The following MLLT3 variants were observed in gnomAD, a reference collection of about 807,000 sequenced individuals.
MLLT3 encodes protein AF-9.
A neutral mutation model predicts 53.2 loss-of-function variants in MLLT3; 4 were observed. That is an observed-to-expected ratio of 0.08 (90% CI 0.04 to 0.17). The LOEUF is 0.17. Ranked by LOEUF, MLLT3 falls within the 10% of genes least tolerant of loss-of-function variation. The probability of loss-of-function intolerance (pLI) is 1.00; values close to 1 mark genes in which losing one functional copy is unlikely to be tolerated. For missense variants in MLLT3, 569 were observed against 684.0 expected (o/e 0.83, Z 1.87); for synonymous variants, 283 against 230.6 (o/e 1.23, Z -2.06).
At chr9:20,579,837 T>C (rs1563827844) in intron 2 of MLLT3, among the ~76,000 whole-genome samples, 1 of 152,152 alleles carries the variant, frequency 6.6e-6, no homozygotes, top group Non-Finnish European at 1.5e-5. Flanking sequence ...GAGCTCAGTA[T>C]GGGATGCCTA....
At chr9:20,606,689 T>C (rs902349195) in intron 2 of MLLT3, among the ~76,000 whole-genome samples, 1 of 152,090 alleles carries the variant, frequency 6.6e-6, no homozygotes, top group Non-Finnish European at 1.5e-5. Flanking sequence ...GAGAAAACTT[T>C]AAGTCTATTT....
intron 5 of MLLT3, among the ~76,000 whole-genome samples, chr9:20,400,414 T>C (rs765593773): frequency 3.3e-5 from 5 of 152,148 alleles, no homozygotes; most frequent in African/African-American, 7.2e-5. Context: ...ATATTTTGAT[T>C]CCATTGGAAA....
intron 1 of MLLT3, 29 bp downstream of exon 1, chr9:20,622,215 GC>G: frequency 1.9e-6 from 3 of 1,594,352 alleles, no homozygotes; most frequent in East Asian, 2.3e-5. Flanking sequence ...GTGGGGGAGG[GC>G]TTTTATTATT....
At chr9:20,513,011 G>A (rs1257156884) in intron 2 of MLLT3, among the ~76,000 whole-genome samples, 1 of 152,244 alleles carries the variant, frequency 6.6e-6, no homozygotes, top group African/African-American at 2.4e-5. Context: ...CTGTAAGTGA[G>A]GCTCTGTTAT....
At chr9:20,622,177 C>T in intron 1 of MLLT3, 68 bp downstream of exon 1, 2 of 1,499,646 alleles carry the variant, frequency 1.3e-6, no homozygotes, top group South Asian at 1.1e-5. Flanking sequence ...GCTGTCTGGG[C>T]TGCGGCGGCG....
At chr9:20,510,102 A>G (rs1254672808) in intron 2 of MLLT3, among the ~76,000 whole-genome samples, 1 of 152,186 alleles carries the variant, frequency 6.6e-6, no homozygotes, top group Non-Finnish European at 1.5e-5. Flanking sequence ...GCTTGGCGAA[A>G]GAGCAAGGCA....
Position 20,604,415 on chromosome 9 carries a change from CTAACTT to C in MLLT3, c.193+16233_193+16238del, listed in dbSNP as rs373760357. ...AGTCTTCAGATACAAAAAACAAAGT[CTAACTT>C]TAAACAGTCTAAGCTGAAGTTTTTA... is the stretch of plus-strand genomic sequence containing the variant. On this transcript the variant is annotated intron_variant, in intron 2 of 10. Transcript: ENST00000380338. 4.4e-3 allele frequency among the ~76,000 whole-genome samples: 601 copies of C among 135,818 alleles called. 6 individuals carry two copies. The highest frequency in any genetic ancestry group is 0.015 in the African/African-American group (579 of 39,514). 89.1% of individuals were successfully genotyped at this position (135,818 alleles called of 152,430 possible).
intron 2 of MLLT3, among the ~76,000 whole-genome samples, chr9:20,585,482 T>C (rs1819931038): frequency 6.6e-6 from 1 of 152,192 alleles, no homozygotes; most frequent in South Asian, 2.1e-4. Context: ...TGTTTAGTTT[T>C]GTAAAGAACC....
At chr9:20,537,971 C>T (rs1470456251) in intron 2 of MLLT3, among the ~76,000 whole-genome samples, 1 of 152,076 alleles carries the variant, frequency 6.6e-6, no homozygotes, top group Admixed American at 6.5e-5. Context: ...TATAATATTC[C>T]TTAATATAAA....
At chr9:20,418,624 G>A (rs1461392975) in intron 4 of MLLT3, among the ~76,000 whole-genome samples, 1 of 152,058 alleles carries the variant, frequency 6.6e-6, no homozygotes, top group Non-Finnish European at 1.5e-5. Flanking sequence ...GTTTTTTTTA[G>A]AGATGGGGTC....
At chr9:20,487,425 C>G (rs961716965) in intron 2 of MLLT3, among the ~76,000 whole-genome samples, 2 of 152,048 alleles carry the variant, frequency 1.3e-5, no homozygotes, top group African/African-American at 4.8e-5. Context: ...ACAAATGCAG[C>G]TAGAAACCTG....
intron 4 of MLLT3, among the ~76,000 whole-genome samples, chr9:20,424,370 C>T (rs1200555367): frequency 6.6e-6 from 1 of 152,182 alleles, no homozygotes; most frequent in Non-Finnish European, 1.5e-5. Context: ...TGGCAGAGCA[C>T]ATGATGCTTC....
chr9:20,583,734 C>G (rs978690926), intron 2 of MLLT3, among the ~76,000 whole-genome samples: 1 of 152,168 alleles, frequency 6.6e-6, no homozygotes, highest in African/African-American at 2.4e-5. Flanking sequence ...AGCTGGGACA[C>G]AGGACACCAA....
intron 4 of MLLT3, among the ~76,000 whole-genome samples, chr9:20,427,811 C>G (rs1235511128): frequency 1.3e-5 from 2 of 151,740 alleles, no homozygotes; most frequent in Non-Finnish European, 2.9e-5. Context: ...AGTTTTTAAA[C>G]AGTAAATGCA....
intron 5 of MLLT3, among the ~76,000 whole-genome samples, chr9:20,375,721 G>A (rs1260164517): frequency 1.3e-5 from 2 of 149,812 alleles, no homozygotes; most frequent in African/African-American, 2.5e-5. Context: ...CCATTCTCCC[G>A]CCTCAGCCTC....
chr9:20,479,296 A>T (rs1190902547), intron 2 of MLLT3, among the ~76,000 whole-genome samples: 1 of 152,110 alleles, frequency 6.6e-6, no homozygotes, highest in Non-Finnish European at 1.5e-5. Flanking sequence ...CCCCAAGGCA[A>T]TTACTGTGAA....
At chr9:20,611,884 C>T (rs1207705901) in intron 2 of MLLT3, among the ~76,000 whole-genome samples, 1 of 152,158 alleles carries the variant, frequency 6.6e-6, no homozygotes, top group Non-Finnish European at 1.5e-5. Flanking sequence ...ATTCTTACCA[C>T]TGGGTGAATT....
At chr9:20,583,526 T>C (rs1232273134) in intron 2 of MLLT3, among the ~76,000 whole-genome samples, 1 of 152,160 alleles carries the variant, frequency 6.6e-6, no homozygotes, top group East Asian at 1.9e-4. Flanking sequence ...GTCCCACCCC[T>C]GCAGCAAATT....
At chr9:20,525,469 C>G (rs1445852066) in intron 2 of MLLT3, among the ~76,000 whole-genome samples, 1 of 152,170 alleles carries the variant, frequency 6.6e-6, no homozygotes, top group Non-Finnish European at 1.5e-5. Context: ...GCACTCCAGC[C>G]TGGGCAACAG....
Sources: allele counts gnomAD v4.1 joint callset (sites outside exome capture counted in the v4.1 genomes callset), GRCh38; gene constraint gnomAD v4.1.1; transcripts MANE v1.5; gene names NCBI Gene and HGNC (gene_info 2026-07-23, HGNC 2026-07-21).